The following SMARCC1 variants were observed in gnomAD, a reference collection of about 807,000 sequenced individuals.
SMARCC1 encodes the protein SWI/SNF complex subunit SMARCC1.
SMARCC1 carries 43 observed loss-of-function variants against 147.4 expected under a neutral mutation model. The ratio of observed to expected loss-of-function variants is 0.29; its 90% CI spans 0.23 to 0.38. SMARCC1 has a LOEUF of 0.38. Ranked by LOEUF, SMARCC1 falls within the 10% of genes least tolerant of loss-of-function variation. The probability of loss-of-function intolerance (pLI) is 1.00; values close to 1 mark genes in which losing one functional copy is unlikely to be tolerated. For synonymous variants in SMARCC1, 495 were observed against 484.4 expected (o/e 1.02, Z -0.29); for missense variants, 1,119 against 1,381.1 (o/e 0.81, Z 3.01).
At chr3:47,749,867 G>A (rs918148114) in intron 2 of SMARCC1, among the ~76,000 whole-genome samples, 1 of 151,922 alleles carries the variant, frequency 6.6e-6, no homozygotes, top group Non-Finnish European at 1.5e-5. Flanking sequence ...TGGATCACGA[G>A]GTCAGGAGAT....
chr3:47,767,044 G>A (rs1008781704), intron 2 of SMARCC1, among the ~76,000 whole-genome samples: 10 of 151,818 alleles, frequency 6.6e-5, no homozygotes, highest in East Asian at 5.9e-4. Context: ...TTAGCCGGGC[G>A]TGGTGGCGGG....
At chr3:47,698,909 A>G (rs1319679422) in intron 11 of SMARCC1, among the ~76,000 whole-genome samples, 1 of 152,222 alleles carries the variant, frequency 6.6e-6, no homozygotes, top group East Asian at 1.9e-4. Flanking sequence ...TTTTCAACAA[A>G]GGCAGCAAAA....
intron 25 of SMARCC1, among the ~76,000 whole-genome samples, chr3:47,620,254 G>A (rs1340054355): frequency 6.6e-6 from 1 of 152,074 alleles, no homozygotes; most frequent in Non-Finnish European, 1.5e-5. Flanking sequence ...CCTGAACTCA[G>A]GAGTTCGAGA....
chr3:47,718,533 G>A (rs1364605679), intron 7 of SMARCC1, among the ~76,000 whole-genome samples: 1 of 151,938 alleles, frequency 6.6e-6, no homozygotes, highest in Non-Finnish European at 1.5e-5. Flanking sequence ...ATGAGAAGAC[G>A]AGAAGTAGAT....
intron 19 of SMARCC1, 99 bp from the exon 20 acceptor site, chr3:47,662,691 A>G: frequency 1.1e-6 from 1 of 897,528 alleles, no homozygotes; most frequent in South Asian, 1.7e-5. Context: ...AAATTAATGC[A>G]AATATTTATG....
At chr3:47,689,532 A>G in intron 12 of SMARCC1, 108 bp from the exon 13 acceptor site, 1 of 916,962 alleles carries the variant, frequency 1.1e-6, no homozygotes, top group Non-Finnish European at 1.8e-6. Context: ...AAAGGAATGA[A>G]ATAGTGCATT....
At chr3:47,596,053 C>CCAAAAA (rs549442698) in intron 26 of SMARCC1, among the ~76,000 whole-genome samples, 13 of 141,978 alleles carry the variant, frequency 9.2e-5, no homozygotes, top group South Asian at 2.5e-4. Context: ...TTTTTCTTTC[C>CCAAAAA]CAAAAACAAA....
chr3:47,656,210 CA>C (rs35722092), intron 21 of SMARCC1, among the ~76,000 whole-genome samples: 1 of 150,566 alleles, frequency 6.6e-6, no homozygotes, highest in East Asian at 1.9e-4. Context: ...GACTCCATTT[CA>C]AAAAAAAAGC....
intron 19 of SMARCC1, chr3:47,663,914 G>T: frequency 2.1e-6 from 3 of 1,458,952 alleles, no homozygotes; most frequent in Non-Finnish European, 2.9e-6. Flanking sequence ...AGCTGTCACC[G>T]CTATGAAGTC....
At chr3:47,678,457 AT>A in intron 15 of SMARCC1, 146 bp from the exon 16 acceptor site, 1 of 438,678 alleles carries the variant, frequency 2.3e-6, no homozygotes, top group South Asian at 6.1e-5. Context: ...TATATTGCAC[AT>A]TTAAAGTTAT....
intron 19 of SMARCC1, among the ~76,000 whole-genome samples, chr3:47,667,251 G>A (rs1038882724): frequency 5.9e-5 from 9 of 151,752 alleles, no homozygotes; most frequent in Non-Finnish European, 1.3e-4. Flanking sequence ...CCGGGAGGCG[G>A]AGCTTGCAGT....
chr3:47,617,065 T>C (rs1278387081), intron 25 of SMARCC1, among the ~76,000 whole-genome samples: 3 of 152,204 alleles, frequency 2.0e-5, no homozygotes, highest in Admixed American at 1.3e-4. Context: ...CATAATAGGA[T>C]GACAGAAGCT....
chr3:47,729,026 A>G lies in SMARCC1; in HGVS notation c.645T>C (p.Asp215=), dbSNP rs559554652. 6 of 1,606,372 alleles carry G rather than the reference A, an allele frequency of 3.7e-6. No individual in the cohort carries two copies. Among genetic ancestry groups the G allele is most frequent in the African/African-American group, 2.7e-5 (2 of 74,898 alleles). Residue 215 remains aspartate, a splice_region_variant and synonymous_variant, in exon 6 of 28, where the codon GAT becomes GAC. Transcript: ENST00000254480. ...GTTCACAACGCAAAACTAACTTACC[A>G]TCGTCTTGTGAGGAAGAATATGGGT... The part of the protein sequence containing the change: ...HIYPYSSSQD[D]EEWLRPVMRK...
chr3:47,720,182 G>A (rs1421809709), intron 7 of SMARCC1, among the ~76,000 whole-genome samples: 1 of 152,088 alleles, frequency 6.6e-6, no homozygotes, highest in African/African-American at 2.4e-5. Context: ...GGAGGGAAAC[G>A]GCGCAATCTC....
rs998122028 is a variant in SMARCC1 at position 47,587,456 on chromosome 3, A to G, written c.*753T>C. On this transcript the variant is annotated 3_prime_UTR_variant, in exon 28 of 28. Coordinates refer to ENST00000254480, the MANE Select transcript of SMARCC1 (RefSeq NM_003074.4). ...AATCCAATGAATCATCTGCATAGAA[A>G]ACCAGAGCCAGCAGGCCTAGGGAAG... The G allele has an allele frequency of 1.1e-4, 17 of 152,344 alleles. No homozygotes were observed. Among genetic ancestry groups the G allele is most frequent in the African/African-American group, 4.1e-4 (17 of 41,434 alleles). The allele number at this position is 152,344 out of a possible 1,614,324, so 9.4% of individuals were successfully genotyped here.
chr3:47,696,759 G>A (rs1278591285), intron 11 of SMARCC1, among the ~76,000 whole-genome samples: 1 of 152,082 alleles, frequency 6.6e-6, no homozygotes, highest in African/African-American at 2.4e-5. Flanking sequence ...TTGACCTCAG[G>A]TGATCCACCC....
intron 21 of SMARCC1, among the ~76,000 whole-genome samples, chr3:47,646,644 A>G (rs1297656470): frequency 6.6e-6 from 1 of 152,216 alleles, no homozygotes; most frequent in Non-Finnish European, 1.5e-5. Flanking sequence ...ATAAGTGTGT[A>G]ATAATCATGA....
chr3:47,605,263 A>C lies in SMARCC1; in HGVS notation c.3043+4803T>G, dbSNP rs575401017. Among the ~76,000 whole-genome samples, 8 of 152,354 alleles carry C rather than the reference A, an allele frequency of 5.3e-5. No individual in the cohort carries two copies. In the South Asian group the frequency reaches 1.4e-3, roughly 28 times the overall value. The stretch of plus-strand genomic sequence containing the variant: ...ACACCTTAGGGATATATACAACAGA[A>C]ATGTACATATATGTCTTATCAAAAG... On this transcript the variant is annotated intron_variant, in intron 26 of 27. Coordinates refer to ENST00000254480, the MANE Select transcript of SMARCC1 (RefSeq NM_003074.4).
intron 21 of SMARCC1, among the ~76,000 whole-genome samples, chr3:47,639,940 CACA>C (rs557645177): frequency 3.3e-5 from 5 of 152,190 alleles, no homozygotes; most frequent in Non-Finnish European, 7.3e-5. Context: ...TTCAAGCTCA[CACA>C]ACATTTTAAA....
Sources: allele counts gnomAD v4.1 joint callset (sites outside exome capture counted in the v4.1 genomes callset), GRCh38; gene constraint gnomAD v4.1.1; transcripts MANE v1.5; gene names NCBI Gene and HGNC (gene_info 2026-07-23, HGNC 2026-07-21).